The following RIMS2 variants were observed in gnomAD, a reference collection of about 807,000 sequenced individuals.
The protein encoded by RIMS2 is regulating synaptic membrane exocytosis 2.
Under a neutral mutation model 174.4 loss-of-function variants are expected in RIMS2, and 59 were observed. The ratio of observed to expected loss-of-function variants is 0.34; its 90% CI spans 0.27 to 0.42. RIMS2 has a LOEUF of 0.42. RIMS2 is among the 10% of genes least tolerant of loss of function. The pLI, the probability that RIMS2 is intolerant of heterozygous loss-of-function variation, is 1.00. For missense variants in RIMS2, 1,620 were observed against 1,666.3 expected, an observed-to-expected ratio of 0.97 and a Z score of 0.48; for synonymous variants, 606 against 572.5, an observed-to-expected ratio of 1.06 and a Z score of -0.84.
At chr8:103,760,283 T>C (rs2098094957) in intron 2 of RIMS2, among the ~76,000 whole-genome samples, 1 of 152,262 alleles carries the variant, frequency 6.6e-6, no homozygotes, top group Non-Finnish European at 1.5e-5. Context: ...CTAGAAATGC[T>C]GTGATTACAA....
intron 19 of RIMS2, among the ~76,000 whole-genome samples, chr8:104,137,342 A>G (rs946009461): frequency 7.2e-5 from 11 of 152,310 alleles, no homozygotes; most frequent in African/African-American, 2.2e-4. Context: ...TAATTGCTAT[A>G]TATATGTTAC....
At chr8:103,564,703 CT>C (rs2092111255) in intron 1 of RIMS2, among the ~76,000 whole-genome samples, 1 of 152,184 alleles carries the variant, frequency 6.6e-6, no homozygotes, top group African/African-American at 2.4e-5. Flanking sequence ...CTTCTGCCTG[CT>C]TTTATCCTAG....
chr8:103,584,722 A>T (rs2093810797), intron 1 of RIMS2, among the ~76,000 whole-genome samples: 1 of 152,210 alleles, frequency 6.6e-6, no homozygotes. Context: ...AATTCAAAAC[A>T]CATACAATGC....
intron 1 of RIMS2, among the ~76,000 whole-genome samples, chr8:103,553,332 A>G (rs1848916123): frequency 6.6e-6 from 1 of 152,210 alleles, no homozygotes; most frequent in African/African-American, 2.4e-5. Flanking sequence ...CATTCCGAGC[A>G]AACTATCACA....
At chr8:104,141,536 C>A (rs2098573217) in intron 19 of RIMS2, among the ~76,000 whole-genome samples, 1 of 152,118 alleles carries the variant, frequency 6.6e-6, no homozygotes, top group Non-Finnish European at 1.5e-5. Context: ...GATACAAGAA[C>A]CTGTGCAATC....
intron 3 of RIMS2, among the ~76,000 whole-genome samples, chr8:103,855,354 A>C (rs1215089466): frequency 6.6e-6 from 1 of 151,682 alleles, no homozygotes; most frequent in Non-Finnish European, 1.5e-5. Flanking sequence ...ATTTCATTAG[A>C]GTCTTCTCTA....
At chr8:104,028,770 A>G (rs2096313151) in intron 19 of RIMS2, among the ~76,000 whole-genome samples, 1 of 152,336 alleles carries the variant, frequency 6.6e-6, no homozygotes, top group African/African-American at 2.4e-5. Flanking sequence ...ACAAATCTAG[A>G]TGTCATAGAG....
intron 2 of RIMS2, among the ~76,000 whole-genome samples, chr8:103,763,932 C>G (rs9297340): frequency 0.39 from 58,871 of 151,958 alleles, 11,817 homozygotes; most frequent in African/African-American, 0.44. Context: ...TATTGAACTA[C>G]GAATCTCTGC....
intron 1 of RIMS2, among the ~76,000 whole-genome samples, chr8:103,667,525 A>T (rs1303025807): frequency 6.6e-6 from 1 of 152,206 alleles, no homozygotes; most frequent in Non-Finnish European, 1.5e-5. Context: ...TGAAGCAACA[A>T]AGATATTAAA....
intron 3 of RIMS2, among the ~76,000 whole-genome samples, chr8:103,823,404 C>G (rs2098766090): frequency 6.6e-6 from 1 of 151,576 alleles, no homozygotes; most frequent in African/African-American, 2.4e-5. Context: ...CTGCAGTCAT[C>G]CAGTGATTAT....
In RIMS2 at chr8:103,910,312, T is replaced by C; in HGVS notation, c.1692+111T>C. 2 of 1,536,538 alleles carry C rather than the reference T, an allele frequency of 1.3e-6. No homozygotes were observed. Among genetic ancestry groups the C allele is most frequent in the Non-Finnish European group, 1.8e-6 (2 of 1,121,220 alleles). ...GTATCTTTTTTTTTTTTTTATCCCATACCTGTAGGGGACAGTCAAAAGGGA... is the reference window on the plus strand; with the variant it reads ...GTATCTTTTTTTTTTTTTTATCCCACACCTGTAGGGGACAGTCAAAAGGGA... On this transcript the variant is annotated intron_variant, in intron 5 of 23. Coordinates refer to ENST00000504942, the Ensembl canonical transcript of RIMS2.
chr8:104,028,439 C>T (rs1464678784), intron 19 of RIMS2, among the ~76,000 whole-genome samples: 1 of 152,038 alleles, frequency 6.6e-6, no homozygotes, highest in Non-Finnish European at 1.5e-5. Flanking sequence ...AAAGCTTGTT[C>T]TTCTGTATTT....
At chr8:103,655,682 G>A (rs2096521584) in intron 1 of RIMS2, among the ~76,000 whole-genome samples, 1 of 152,036 alleles carries the variant, frequency 6.6e-6, no homozygotes, top group East Asian at 1.9e-4. Context: ...AAATGTTAAA[G>A]GGAAGAGTGT....
At chr8:104,109,098 C>T (rs1182061243) in intron 19 of RIMS2, among the ~76,000 whole-genome samples, 1 of 151,744 alleles carries the variant, frequency 6.6e-6, no homozygotes, top group Non-Finnish European at 1.5e-5. Context: ...GAGATCGAGA[C>T]CATCTTGGCT....
At chr8:103,517,124 A>C (rs1387291090) in intron 1 of RIMS2, among the ~76,000 whole-genome samples, 1 of 152,194 alleles carries the variant, frequency 6.6e-6, no homozygotes, top group African/African-American at 2.4e-5. Context: ...AGAGTCATGT[A>C]AATAAATAAT....
rs138774526 is a variant in RIMS2 at position 104,132,711 on chromosome 8, GAC to G, written c.3335-112203_3335-112202del. On this transcript the variant is annotated intron_variant, in intron 19 of 23. Transcript: ENST00000504942. ...TAAGGCAGAGTAACAGCTACATGCA[GAC>G]AGTTTTTACAGGTCTGAAAGAATTG... Among the ~76,000 whole-genome samples, 816 of 152,330 alleles carry G rather than the reference GAC, an allele frequency of 5.4e-3. 7 individuals are homozygous for G. The highest frequency in any genetic ancestry group is 0.019 in the African/African-American group (779 of 41,592).
At chr8:104,105,195 G>A (rs1223331664) in intron 19 of RIMS2, among the ~76,000 whole-genome samples, 1 of 152,158 alleles carries the variant, frequency 6.6e-6, no homozygotes, top group Non-Finnish European at 1.5e-5. Flanking sequence ...AAAAGGGGTT[G>A]GGTGTCGGGA....
At chr8:103,710,514 A>G (rs2097290910) in intron 2 of RIMS2, among the ~76,000 whole-genome samples, 1 of 152,174 alleles carries the variant, frequency 6.6e-6, no homozygotes, top group African/African-American at 2.4e-5. Context: ...TGAAAAAATA[A>G]TGACTTCATA....
chr8:104,191,678 T>A (rs2098998535), intron 19 of RIMS2, among the ~76,000 whole-genome samples: 1 of 152,168 alleles, frequency 6.6e-6, no homozygotes, highest in Non-Finnish European at 1.5e-5. Flanking sequence ...TCTTTCTAAT[T>A]TGCTAATAAT....
Sources: allele counts gnomAD v4.1 joint callset (sites outside exome capture counted in the v4.1 genomes callset), GRCh38; gene constraint gnomAD v4.1.1; transcripts MANE v1.5; gene names NCBI Gene and HGNC (gene_info 2026-07-23, HGNC 2026-07-21).